Variants in AATF observed in about 807,000 individuals in gnomAD.
The protein encoded by AATF is protein AATF.
AATF carries 48 observed loss-of-function variants against 63.7 expected under a neutral mutation model. The ratio of observed to expected loss-of-function variants is 0.75; its 90% confidence interval spans 0.60 to 0.96. The LOEUF (loss-of-function observed/expected upper bound fraction) is 0.96. AATF is among the 40% of genes least tolerant of loss of function. The pLI, the probability that AATF is intolerant of heterozygous loss-of-function variation, is 0.00. For missense variants in AATF, 639 were observed against 685.7 expected, an observed-to-expected ratio of 0.93 and a Z score of 0.76; for synonymous variants, 258 against 247.7, an observed-to-expected ratio of 1.04 and a Z score of -0.39.
intron 11 of AATF, among the ~76,000 whole-genome samples, chr17:37,041,561 A>G (rs2071640275): frequency 6.6e-6 from 1 of 151,954 alleles, no homozygotes; most frequent in Non-Finnish European, 1.5e-5. Context: ...GCTGAAGTGC[A>G]ATGGTGCAAT....
chr17:37,008,369 G>T (rs1004963713), intron 8 of AATF, among the ~76,000 whole-genome samples: 2 of 152,206 alleles, frequency 1.3e-5, no homozygotes, highest in African/African-American at 2.4e-5. Context: ...TACACAGGTA[G>T]TAAAGGGCAG....
At chr17:37,051,460 T>C (rs989499690) in intron 11 of AATF, among the ~76,000 whole-genome samples, 1 of 152,148 alleles carries the variant, frequency 6.6e-6, no homozygotes, top group Non-Finnish European at 1.5e-5. Flanking sequence ...CAGTGATCTG[T>C]ATTGTGGTGG....
chr17:37,044,842 T>C (rs934183965), intron 11 of AATF, among the ~76,000 whole-genome samples: 1 of 152,206 alleles, frequency 6.6e-6, no homozygotes, highest in African/African-American at 2.4e-5. Flanking sequence ...TTTCGGAGCA[T>C]TTCAGATTTC....
In AATF at chr17:36,990,758, C is replaced by T. The variant is rs747105974; in HGVS notation, c.1315-16C>T. 1.3e-6 allele frequency: 2 copies of T among 1,540,016 alleles called. No individual in the cohort carries two copies. The highest frequency in any genetic ancestry group is 1.9e-5 in the Admixed American group (1 of 52,856). On this transcript the variant is annotated splice_polypyrimidine_tract_variant and intron_variant, in intron 7 of 11. Coordinates refer to ENST00000619387, the MANE Select transcript of AATF (RefSeq NM_012138.4). Reference sequence around the variant, plus strand: ...CTTGTTGGGATTCACTCTTTTCTTACTCATTGTTAACATAGGAGATCCTTC... The same window carrying T: ...CTTGTTGGGATTCACTCTTTTCTTATTCATTGTTAACATAGGAGATCCTTC...
In AATF at chr17:36,953,154, T is replaced by G; in HGVS notation, c.552T>G (p.Asp184Glu). 1 of 1,614,048 alleles carries G rather than the reference T, an allele frequency of 6.2e-7. No individual in the cohort carries two copies. The highest frequency in any genetic ancestry group is 2.2e-5 in the East Asian group (1 of 44,870). ...AAGAGAGTGGCATGGAAGAAGGGGA[T>G]GACGCGGAAGACTCCCAAGGCGAGA... ...EDEESGMEEG[D>E]DAEDSQGESE... The change falls in exon 3 of 12, where the codon GAT (aspartate) becomes GAG (glutamate). Residue 184 changes from aspartate (D) to glutamate (E), a missense_variant. Transcript: ENST00000619387.
At chr17:36,964,886 C>T (rs188115559) in intron 4 of AATF, among the ~76,000 whole-genome samples, 2 of 151,896 alleles carry the variant, frequency 1.3e-5, no homozygotes, top group East Asian at 3.9e-4. Flanking sequence ...CAGCTGTGCT[C>T]TTGGGCCTTT....
At chr17:36,989,152 A>G (rs1019423278) in intron 6 of AATF, 95 bp from the exon 7 acceptor site, 37 of 1,359,746 alleles carry the variant, frequency 2.7e-5, no homozygotes, top group African/African-American at 5.8e-5. Context: ...ATGATTTTCT[A>G]TCTCTCTGCT....
chr17:36,953,850 G>A lies in AATF; in HGVS notation c.775G>A (p.Val259Ile). ...CACCAACCAGCTTCCTCAACCAGAT[G>A]TTTTCCCATTGTTCAAGGACAAAGG... Reference protein sequence around the residue: ...LTTNQLPQPDVFPLFKDKGGP... With the variant: ...LTTNQLPQPDIFPLFKDKGGP... The change falls in exon 4 of 12, where the codon GTT (valine) becomes ATT (isoleucine). Residue 259 changes from valine (V) to isoleucine (I), a missense_variant. Physicochemically the swap from Val to Ile is conservative, Grantham distance 29. Coordinates refer to ENST00000619387, the MANE Select transcript of AATF (RefSeq NM_012138.4). 2 of 1,614,132 alleles carry A rather than the reference G, an allele frequency of 1.2e-6. No individual in the cohort carries two copies. Among genetic ancestry groups the A allele is most frequent in the Non-Finnish European group, 1.7e-6 (2 of 1,180,018 alleles).
chr17:36,999,016 C>A (rs1388553419), intron 8 of AATF: 2 of 152,194 alleles, frequency 1.3e-5, no homozygotes. Flanking sequence ...TCTAATTCTA[C>A]AGTAATTTCT....
Position 36,950,348 on chromosome 17 carries a change from AC to A in AATF, c.228del (p.Ser77LeufsTer133). The A allele has an allele frequency of 6.2e-7, 1 of 1,614,168 alleles. No individual in the cohort carries two copies. The highest frequency in any genetic ancestry group is 8.5e-7 in the Non-Finnish European group (1 of 1,180,026). ...DTDKRYCGKT[T>X]SRKAWNEDHW... is the part of the protein sequence containing the mutation. ...GGACAAAAGGTATTGCGGCAAAACC[AC>A]CTCTAGAAAAGCATGGAATGAAGAC... On this transcript the variant is annotated frameshift_variant, in exon 2 of 12. Transcript: ENST00000619387. LOFTEE classifies it high-confidence loss of function.
At chr17:36,957,287 A>G (rs1197091110) in intron 4 of AATF, among the ~76,000 whole-genome samples, 3 of 152,234 alleles carry the variant, frequency 2.0e-5, no homozygotes, top group Admixed American at 6.5e-5. Context: ...GACATAATCA[A>G]TAGAAAGCAT....
At chr17:37,046,389 G>A (rs1489213987) in intron 11 of AATF, among the ~76,000 whole-genome samples, 1 of 152,030 alleles carries the variant, frequency 6.6e-6, no homozygotes, top group African/African-American at 2.4e-5. Context: ...GAAGGCAGAG[G>A]AGAGCCAGGA....
intron 4 of AATF, among the ~76,000 whole-genome samples, chr17:36,974,782 T>C (rs1378894494): frequency 1.3e-5 from 2 of 152,186 alleles, no homozygotes; most frequent in Non-Finnish European, 2.9e-5. Flanking sequence ...CCTTGCTATT[T>C]CTTTTGTGAA....
chr17:37,011,914 G>C (rs1226491598), intron 8 of AATF, among the ~76,000 whole-genome samples: 2 of 152,084 alleles, frequency 1.3e-5, no homozygotes, highest in African/African-American at 4.8e-5. Flanking sequence ...ATATAGTTGG[G>C]GAATAGGTCA....
In AATF at chr17:36,950,400, C is replaced by T. The variant is rs920983845; in HGVS notation, c.278C>T (p.Ser93Leu). The T allele has an allele frequency of 9.9e-6, 16 of 1,613,590 alleles. No homozygotes were observed. The highest frequency in any genetic ancestry group is 1.7e-6 in the Non-Finnish European group (2 of 1,179,686). Reference sequence around the variant, plus strand: ...CATTGGGAGCAGACTCTGCCAGGATCGTCTGGTGAGTAGACATTTTTGAAT... The same window carrying T: ...CATTGGGAGCAGACTCTGCCAGGATTGTCTGGTGAGTAGACATTTTTGAAT... Reference protein sequence around the residue: ...EDHWEQTLPGSSDEEISDEEG... With the variant: ...EDHWEQTLPGLSDEEISDEEG... The change falls in exon 2 of 12, where the codon TCG becomes TTG. Residue 93 changes from serine (S) to leucine (L), a missense_variant. Ser to Leu is a moderately radical substitution (Grantham distance 145). Coordinates refer to ENST00000619387, the MANE Select transcript of AATF (RefSeq NM_012138.4).
chr17:36,968,029 C>G (rs1472011833), intron 4 of AATF, among the ~76,000 whole-genome samples: 3 of 151,712 alleles, frequency 2.0e-5, no homozygotes, highest in Non-Finnish European at 4.4e-5. Flanking sequence ...CTGGAAAATC[C>G]TCTTGAAATT....
intron 4 of AATF, among the ~76,000 whole-genome samples, chr17:36,961,478 GA>G (rs1348814089): frequency 1.3e-5 from 2 of 152,088 alleles, no homozygotes; most frequent in Non-Finnish European, 2.9e-5. Flanking sequence ...AAATCTTAAT[GA>G]GATATTTTAC....
intron 4 of AATF, among the ~76,000 whole-genome samples, chr17:36,976,785 A>G (rs1325581895): frequency 6.6e-6 from 1 of 152,196 alleles, no homozygotes; most frequent in Non-Finnish European, 1.5e-5. Context: ...CCTTAGTCTT[A>G]CTAGTATTAA....
chr17:37,009,672 C>T (rs1255195971), intron 8 of AATF, among the ~76,000 whole-genome samples: 1 of 149,510 alleles, frequency 6.7e-6, no homozygotes, highest in Non-Finnish European at 1.5e-5. Flanking sequence ...AAAAAATTAG[C>T]CGGGCGCGGT....
Sources: allele counts gnomAD v4.1 joint callset (sites outside exome capture counted in the v4.1 genomes callset), GRCh38; gene constraint gnomAD v4.1.1; transcripts MANE v1.5; gene names NCBI Gene and HGNC (gene_info 2026-07-23, HGNC 2026-07-21).